Variants in AUTS2 observed in about 807,000 individuals in gnomAD.
AUTS2 encodes activator of transcription and developmental regulator AUTS2, also known as autism susceptibility gene 2 protein.
A neutral mutation model predicts 112.4 loss-of-function variants in AUTS2; 17 were observed. The ratio of observed to expected loss-of-function variants is 0.15; its 90% CI spans 0.10 to 0.23. AUTS2 has a LOEUF of 0.23. AUTS2 is among the 10% of genes least tolerant of loss of function. The pLI is 1.00. For synonymous variants in AUTS2, 751 were observed against 702.7 expected (o/e 1.07, Z -1.09); for missense variants, 1,510 against 1,701.6 (o/e 0.89, Z 1.98).
rs754055837 is a variant in AUTS2 at position 70,790,222 on chromosome 7, C to T, written c.3006C>T (p.Ala1002=). Residue 1002 remains alanine (A), a synonymous_variant, in exon 19 of 19, where the codon GCC becomes GCT. Coordinates refer to ENST00000342771, the MANE Select transcript of AUTS2 (RefSeq NM_015570.4). This position sits in a 1 kb window ranked among gnomAD's most constrained non-coding sequence, Gnocchi z 7.6. ...LPPEAPQTHR[A]SEPPPPNSSS... is the part of the protein sequence containing the mutation. The stretch of plus-strand genomic sequence containing the variant: ...CAGAGGCCCCGCAGACCCACCGGGC[C>T]TCGGAGCCGCCGCCTCCCAACTCCT... 2 of 1,612,512 alleles carry T rather than the reference C, an allele frequency of 1.2e-6. No individual in the cohort carries two copies. Among genetic ancestry groups the T allele is most frequent in the Non-Finnish European group, 8.5e-7 (1 of 1,179,716 alleles).
chr7:70,245,171 A>ATAT (rs61292882), intron 4 of AUTS2, among the ~76,000 whole-genome samples: 4,464 of 129,110 alleles, frequency 0.035, 91 homozygotes, highest in Non-Finnish European at 0.043. Flanking sequence ...TATATATATA[A>ATAT]AAAATAAAAA....
chr7:70,488,060 G>C (rs781575366), intron 5 of AUTS2, among the ~76,000 whole-genome samples: 1 of 152,212 alleles, frequency 6.6e-6, no homozygotes, highest in Non-Finnish European at 1.5e-5. Flanking sequence ...CACGGGCACC[G>C]CCCTTCGAGG....
intron 1 of AUTS2, chr7:69,663,276 A>G (rs567409324): frequency 6.6e-6 from 1 of 152,222 alleles, no homozygotes; most frequent in South Asian, 2.1e-4. Flanking sequence ...TAAGCTTTCT[A>G]TCCCAACTGC....
chr7:69,824,438 T>C (rs923146425), intron 1 of AUTS2: 14 of 152,050 alleles, frequency 9.2e-5, no homozygotes, highest in African/African-American at 3.4e-4. Flanking sequence ...TGATACTTAA[T>C]GTCATAAATC....
At chr7:70,130,384 C>T (rs1343714554) in intron 3 of AUTS2, among the ~76,000 whole-genome samples, 2 of 152,062 alleles carry the variant, frequency 1.3e-5, no homozygotes, top group East Asian at 3.9e-4. Context: ...ATGTTAACTT[C>T]ATGAGTTTAA....
At chr7:70,309,614 G>A (rs1789646380) in intron 4 of AUTS2, among the ~76,000 whole-genome samples, 1 of 152,096 alleles carries the variant, frequency 6.6e-6, no homozygotes, top group Non-Finnish European at 1.5e-5. Flanking sequence ...AGATACTATA[G>A]TGAACATAGT....
chr7:69,735,770 C>G (rs1014073116), intron 1 of AUTS2, among the ~76,000 whole-genome samples: 1 of 152,176 alleles, frequency 6.6e-6, no homozygotes, highest in Non-Finnish European at 1.5e-5. Context: ...TAAGGGCTGG[C>G]CCTTATCTGA....
intron 5 of AUTS2, among the ~76,000 whole-genome samples, chr7:70,510,196 T>C (rs770063684): frequency 6.6e-6 from 1 of 152,212 alleles, no homozygotes; most frequent in African/African-American, 2.4e-5. Flanking sequence ...GCCCTGGTGC[T>C]CTGACAGCCA....
chr7:70,477,047 C>T (rs1797610141), intron 5 of AUTS2, among the ~76,000 whole-genome samples: 1 of 152,184 alleles, frequency 6.6e-6, no homozygotes, highest in African/African-American at 2.4e-5. Flanking sequence ...GATAAAGTCT[C>T]ACTACTTTGA....
At chr7:70,463,363 T>C (rs1285580586) in intron 5 of AUTS2, among the ~76,000 whole-genome samples, 1 of 152,246 alleles carries the variant, frequency 6.6e-6, no homozygotes, top group Non-Finnish European at 1.5e-5. Context: ...AAGCATAGTC[T>C]TCCCATTTGA....
chr7:69,873,694 A>C (rs1385073683), intron 1 of AUTS2, among the ~76,000 whole-genome samples: 1 of 152,180 alleles, frequency 6.6e-6, no homozygotes, highest in South Asian at 2.1e-4. Flanking sequence ...GCTGCAAGGA[A>C]CAGAAATGAT....
intron 1 of AUTS2, among the ~76,000 whole-genome samples, chr7:69,749,401 A>T (rs1787643388): frequency 6.6e-6 from 1 of 152,154 alleles, no homozygotes; most frequent in Admixed American, 6.6e-5. Flanking sequence ...TTTAGTTATC[A>T]TTACTTTATT....
chr7:70,161,942 A>G (rs527815137), intron 4 of AUTS2, among the ~76,000 whole-genome samples: 1 of 152,276 alleles, frequency 6.6e-6, no homozygotes, highest in Admixed American at 6.5e-5. Context: ...ATTTATGTAC[A>G]ATAGTTACTG....
chr7:70,474,382 CCA>C (rs1422081855), intron 5 of AUTS2, among the ~76,000 whole-genome samples: 2 of 152,192 alleles, frequency 1.3e-5, no homozygotes, highest in Non-Finnish European at 2.9e-5. Flanking sequence ...TCAGTCAGGT[CCA>C]GATGCTTCCA....
intron 4 of AUTS2, among the ~76,000 whole-genome samples, chr7:70,251,899 T>G (rs1003764539): frequency 5.3e-5 from 8 of 152,164 alleles, no homozygotes; most frequent in Non-Finnish European, 1.2e-4. Flanking sequence ...AGCCTCTGAT[T>G]CTTATTTCAC....
intron 3 of AUTS2, 87 bp downstream of exon 3, chr7:70,118,320 ATAACTTTCCC>A: frequency 7.3e-7 from 1 of 1,369,484 alleles, no homozygotes; most frequent in Middle Eastern, 2.6e-4. Context: ...TCTGAATTAC[ATAACTTTCCC>A]TCATCTTTAG....
At chr7:69,984,335 AGGT>A (rs1798417913) in intron 2 of AUTS2, among the ~76,000 whole-genome samples, 1 of 143,294 alleles carries the variant, frequency 7.0e-6, no homozygotes, top group Non-Finnish European at 1.5e-5. Context: ...TGAACTCAGG[AGGT>A]GGAGCTTGCA....
chr7:69,840,981 C>G (rs900511375), intron 1 of AUTS2, among the ~76,000 whole-genome samples: 1 of 152,066 alleles, frequency 6.6e-6, no homozygotes, highest in African/African-American at 2.4e-5. Context: ...GAGAATAACC[C>G]ACAAATTACC....
intron 1 of AUTS2, among the ~76,000 whole-genome samples, chr7:69,707,195 GCTTTCATTATCAGAC>G (rs1798098730): frequency 6.6e-6 from 1 of 151,858 alleles, no homozygotes; most frequent in African/African-American, 2.4e-5. Flanking sequence ...CTCTTTTTTT[GCTTTCATTATCAGAC>G]CTCATCTGCA....
Sources: gnomAD v4.1 joint callset for allele counts (sites outside exome capture counted in the v4.1 genomes callset) on GRCh38, gnomAD v4.1.1 for gene constraint, Gnocchi (gnomAD v3.1) non-coding constraint, MANE v1.5 for transcripts, NCBI Gene and HGNC (gene_info 2026-07-23, HGNC 2026-07-21) for gene names.